Variants in COL20A1 observed in about 807,000 individuals in gnomAD.
COL20A1 encodes the protein collagen type XX alpha 1 chain.
A neutral mutation model predicts 152.9 loss-of-function variants in COL20A1; 164 were observed. The observed-to-expected ratio is 1.07, with a 90% CI of 0.94 to 1.22. The LOEUF is 1.22. Among genes scored for constraint, COL20A1 ranks in the 50% most tolerant of loss-of-function variants. The pLI is 0.00. For missense variants in COL20A1, 1,873 were observed against 1,744.8 expected (o/e 1.07, Z -1.31); for synonymous variants, 864 against 756.0 (o/e 1.14, Z -2.34).
intron 3 of COL20A1, among the ~76,000 whole-genome samples, chr20:63,302,235 A>G (rs1036941642): frequency 6.6e-6 from 1 of 152,208 alleles, no homozygotes; most frequent in African/African-American, 2.4e-5. Context: ...CCCCAATACC[A>G]TGAGCAGCTC....
chr20:63,326,325 C>T (rs1372003695), intron 30 of COL20A1, among the ~76,000 whole-genome samples, 176 bp downstream of exon 30: 1 of 152,174 alleles, frequency 6.6e-6, no homozygotes, highest in Non-Finnish European at 1.5e-5. Flanking sequence ...TGAGCGTCTG[C>T]CCAGGAGCAC....
chr20:63,311,482 C>T lies in COL20A1; in HGVS notation c.1482C>T (p.Thr494=), dbSNP rs747711282. ...HLTWQPSAGA[T]HYLVRCSPAS... ...CCTGGCAGCCCTCGGCCGGGGCCAC[C>T]CACTACCTGGTGCGATGTTCTCCTG... Residue 494 remains threonine, a synonymous_variant, in exon 12 of 36, where the codon ACC becomes ACT. Transcript: ENST00000358894. This position sits in a 1 kb window ranked among gnomAD's most constrained non-coding sequence, Gnocchi z 4.4. 2.5e-6 allele frequency: 4 copies of T among 1,578,698 alleles called. No individual in the cohort carries two copies. Among genetic ancestry groups the T allele is most frequent in the Non-Finnish European group, 3.4e-6 (4 of 1,162,812 alleles).
At chr20:63,330,296 G>A (rs1384413276) in intron 35 of COL20A1, among the ~76,000 whole-genome samples, 1 of 152,166 alleles carries the variant, frequency 6.6e-6, no homozygotes, top group Non-Finnish European at 1.5e-5. Context: ...AGGGGCCAGA[G>A]CGTGGCGCAG....
At position 63,320,063 on chromosome 20, in the gene COL20A1, A is replaced by G. The variant is rs1219440078; in HGVS notation, c.2941A>G (p.Lys981Glu). The G allele has an allele frequency of 2.6e-6, 4 of 1,555,380 alleles. No homozygotes were observed. Among genetic ancestry groups the G allele is most frequent in the Middle Eastern group, 1.7e-4 (1 of 6,022 alleles). The change falls in exon 24 of 36, where the codon AAG becomes GAG. Residue 981 changes from lysine (K) to glutamate (E), a missense_variant. By Grantham distance (56) the Lys-to-Glu change is moderately conservative. Transcript: ENST00000358894. Reference protein sequence around the residue: ...HKVHVAVGRSKVRLYVDCRKV... With the variant: ...HKVHVAVGRSEVRLYVDCRKV... ...GGTGCACGTGGCTGTGGGCCGCTCC[A>G]AGGTCAGGCTCTATGTGGACTGCCG...
rs528668093 is a variant in COL20A1, at chr20:63,319,411, T to C, written c.2807-76T>C. 2 of 1,229,618 alleles carry C rather than the reference T, an allele frequency of 1.6e-6. No homozygotes were observed. Among genetic ancestry groups the C allele is most frequent in the South Asian group, 1.4e-5 (1 of 72,578 alleles). The allele number at this position is 1,229,618 out of a possible 1,614,324, so 76.2% of individuals were successfully genotyped here. ...CCTCAGGGCTGCTCCTGTCCTGTCG[T>C]GGGGGCCGCCCTGCTCAAGGTATAG... On this transcript the variant is annotated intron_variant, in intron 22 of 35. Transcript: ENST00000358894. This position sits in a 1 kb window ranked among gnomAD's most constrained non-coding sequence, Gnocchi z 4.4.
In COL20A1 at chr20:63,334,297, G is replaced by A. The variant is rs144901106; in HGVS notation, c.*3581G>A. ...AATTCATGGGTTAAAGAGAAAAAAGGAAACGTGAAGATACTTGTAACCAAA... is the reference window on the plus strand; with the variant it reads ...AATTCATGGGTTAAAGAGAAAAAAGAAAACGTGAAGATACTTGTAACCAAA... On this transcript the variant is annotated 3_prime_UTR_variant, in exon 36 of 36. Coordinates refer to ENST00000358894, the MANE Select transcript of COL20A1 (RefSeq NM_020882.4). 35 of 152,380 alleles carry A rather than the reference G, an allele frequency of 2.3e-4. No individual in the cohort carries two copies. The highest frequency in any genetic ancestry group is 6.5e-4 in the African/African-American group (27 of 41,576). 9.4% of individuals were successfully genotyped at this position (152,380 alleles called of 1,614,324 possible).
intron 19 of COL20A1, 45 bp downstream of exon 19, chr20:63,314,246 G>T: frequency 6.6e-7 from 1 of 1,526,516 alleles, no homozygotes. Context: ...CCCAGCCCCA[G>T]CCGGGCCCTA....
chr20:63,307,515 C>T lies in COL20A1; in HGVS notation c.522C>T (p.Pro174=). The stretch of plus-strand genomic sequence containing the variant: ...CCGGCCCCCAGTTCCGCTGCCTGCC[C>T]CCCGTGCCTGCTGACATGGTCTTCC... The part of the protein sequence containing the change: ...TPAGPQFRCL[P]PVPADMVFLV... Residue 174 remains proline (P), a synonymous_variant, in exon 6 of 36, where the codon CCC becomes CCT. Transcript: ENST00000358894. 1.2e-6 allele frequency: 2 copies of T among 1,612,368 alleles called. No homozygotes were observed. Among genetic ancestry groups the T allele is most frequent in the Non-Finnish European group, 1.7e-6 (2 of 1,179,648 alleles).
chr20:63,310,677 C>T (rs1240750493), intron 11 of COL20A1, among the ~76,000 whole-genome samples, 167 bp downstream of exon 11: 1 of 152,146 alleles, frequency 6.6e-6, no homozygotes, highest in Non-Finnish European at 1.5e-5. Context: ...AGTCACTGGG[C>T]CCCTCTGACC....
Position 63,316,649 on chromosome 20 carries a change from C to T in COL20A1, c.2621C>T (p.Thr874Ile). The T allele has an allele frequency of 6.3e-7, 1 of 1,576,724 alleles. No individual in the cohort carries two copies. Among genetic ancestry groups the T allele is most frequent in the Non-Finnish European group, 8.6e-7 (1 of 1,161,930 alleles). ...MEPSAFGGTP[T>I]FTLFKDAQLT... ...CCCTCTGCCTTCGGTGGGACCCCGA[C>T]CTTCACGCTCTTCAAGGACGCCCAG... Residue 874 changes from threonine (T) to isoleucine (I), a missense_variant, in exon 21 of 36, where the codon ACC becomes ATC. Coordinates refer to ENST00000358894, the MANE Select transcript of COL20A1 (RefSeq NM_020882.4).
At chr20:63,322,399 A>G (rs2068177280) in intron 27 of COL20A1, among the ~76,000 whole-genome samples, 1 of 152,098 alleles carries the variant, frequency 6.6e-6, no homozygotes, top group Non-Finnish European at 1.5e-5. Flanking sequence ...CCAGCAGGGG[A>G]ATCTGAGGCT....
intron 3 of COL20A1, among the ~76,000 whole-genome samples, chr20:63,302,254 A>G (rs1483113650): frequency 6.6e-6 from 1 of 152,176 alleles, no homozygotes; most frequent in Admixed American, 6.5e-5. Flanking sequence ...TCCCAAATTT[A>G]AAATGTTTCA....
intron 21 of COL20A1, among the ~76,000 whole-genome samples, chr20:63,317,043 G>T (rs895779080): frequency 1.3e-5 from 2 of 152,236 alleles, no homozygotes; most frequent in African/African-American, 4.8e-5. Flanking sequence ...TTTAGAGGAA[G>T]CGATCACTCA....
Position 63,313,964 on chromosome 20 carries a change from C to T in COL20A1, c.2358+73C>T, listed in dbSNP as rs915438510. The T allele has an allele frequency of 1.5e-5, 24 of 1,591,000 alleles. No individual in the cohort carries two copies. Among genetic ancestry groups the T allele is most frequent in the East Asian group, 6.7e-5 (3 of 44,744 alleles). ...GGAAGGGGTATGGCCACACTGTCTG[C>T]GAAGGGTGGCAGCTCTGCCATGGCG... On this transcript the variant is annotated intron_variant, in intron 18 of 35. Transcript: ENST00000358894. This position sits in a 1 kb window ranked among gnomAD's most constrained non-coding sequence, Gnocchi z 5.9.
rs2068049836 is a variant in COL20A1 at position 63,313,841 on chromosome 20, C to T, written c.2308C>T (p.His770Tyr). 2 of 1,611,234 alleles carry T rather than the reference C, an allele frequency of 1.2e-6. No homozygotes were observed. The highest frequency in any genetic ancestry group is 1.6e-4 in the Middle Eastern group (1 of 6,074). The change falls in exon 18 of 36, where the codon CAT becomes TAT. Residue 770 changes from histidine to tyrosine, a missense_variant. By Grantham distance (83) the His-to-Tyr change is moderately conservative (BLOSUM62 2). Transcript: ENST00000358894. The surrounding 1 kb of genome is among the most constrained non-coding windows in gnomAD (Gnocchi z 5.9). ...GACGCCCCCGCTTGGCCGCGTGCTCCATTACTGGCTCACCTACGCCCCCGC... is the reference window on the plus strand; with the variant it reads ...GACGCCCCCGCTTGGCCGCGTGCTCTATTACTGGCTCACCTACGCCCCCGC... ...SWTPPLGRVL[H>Y]YWLTYAPASG...
Position 63,313,081 on chromosome 20 carries a change from T to C in COL20A1, c.2077-36T>C, listed in dbSNP as rs1445101646. On this transcript the variant is annotated intron_variant, in intron 16 of 35. Transcript: ENST00000358894. This position sits in a 1 kb window ranked among gnomAD's most constrained non-coding sequence, Gnocchi z 5.9. ...CGGCCCCCCAACCTGAGGACCCCAC[T>C]GCACCCGGTGACCCCTGGGGCTCTC... 6.3e-7 allele frequency: 1 copy of C among 1,588,744 alleles called. No individual in the cohort carries two copies. The highest frequency in any genetic ancestry group is 8.6e-7 in the Non-Finnish European group (1 of 1,168,190).
rs1474251532 is a variant in COL20A1, at chr20:63,311,736, C to T, written c.1651C>T (p.Arg551Cys). Residue 551 changes from arginine (R) to cysteine (C), a missense_variant, in exon 13 of 36, where the codon CGT becomes TGT. By Grantham distance (180) the Arg-to-Cys change is radical. Transcript: ENST00000358894. The surrounding 1 kb of genome is among the most constrained non-coding windows in gnomAD (Gnocchi z 4.4). Reference sequence around the variant, plus strand: ...TGAGGGCAGCGAGGCCCGGGGCATCCGTGCCAGGACCCGTGAGTGCTCCAA... The same window carrying T: ...TGAGGGCAGCGAGGCCCGGGGCATCTGTGCCAGGACCCGTGAGTGCTCCAA... Reference protein sequence around the residue: ...GPEGSEARGIRARTPTLAPPR... With the variant: ...GPEGSEARGICARTPTLAPPR... The T allele has an allele frequency of 2.3e-5, 37 of 1,592,752 alleles. No homozygotes were observed. Among genetic ancestry groups the T allele is most frequent in the Non-Finnish European group, 2.8e-5 (33 of 1,174,440 alleles).
rs1204761470 is a variant in COL20A1, at chr20:63,316,585, GA to G, written c.2561del (p.Lys854ArgfsTer30). ...FDLMVAFSLV[E>X]KAYASIRGVA... Reference sequence around the variant, plus strand: ...CCTGATGGTGGCCTTCAGCCTGGTGGAAAAGGCTTATGCGTCCATCCGGGGC... The same window carrying G: ...CCTGATGGTGGCCTTCAGCCTGGTGGAAAGGCTTATGCGTCCATCCGGGGC... On this transcript the variant is annotated frameshift_variant, in exon 21 of 36. Coordinates refer to ENST00000358894, the MANE Select transcript of COL20A1 (RefSeq NM_020882.4). LOFTEE classifies it high-confidence loss of function. 1 of 1,589,614 alleles carries G rather than the reference GA, an allele frequency of 6.3e-7. No homozygotes were observed. Among genetic ancestry groups the G allele is most frequent in the Non-Finnish European group, 8.6e-7 (1 of 1,168,234 alleles).
chr20:63,309,481 C>G lies in COL20A1; in HGVS notation c.1089C>G (p.Ser363Arg). ...RLICQRLQGG[S>R]PRQGPAAAPA... is the part of the protein sequence containing the mutation. ...TCTGCCAGAGGCTCCAGGGTGGGAG[C>G]CCGCGGCAGGGCCCAGGTGAGGGGC... Residue 363 changes from serine to arginine, a missense_variant, in exon 9 of 36, where the codon AGC (serine) becomes AGG (arginine). Ser to Arg is a moderately radical substitution (Grantham distance 110). Transcript: ENST00000358894. The G allele has an allele frequency of 3.3e-6, 5 of 1,523,906 alleles. No individual in the cohort carries two copies. The South Asian group carries it at 6.1e-5, about 19-fold the overall frequency. The allele number at this position is 1,523,906 out of a possible 1,614,324, so 94.4% of individuals were successfully genotyped here.
Sources: gnomAD v4.1 joint callset for allele counts (sites outside exome capture counted in the v4.1 genomes callset) on GRCh38, gnomAD v4.1.1 for gene constraint, Gnocchi (gnomAD v3.1) non-coding constraint, MANE v1.5 for transcripts, NCBI Gene and HGNC (gene_info 2026-07-23, HGNC 2026-07-21) for gene names.